The following DUSP16 variants were observed in gnomAD, a reference collection of about 807,000 sequenced individuals.
The protein encoded by DUSP16 is dual specificity phosphatase 16, also known as dual specificity protein phosphatase 16.
A neutral mutation model predicts 58.3 loss-of-function variants in DUSP16; 21 were observed. That is an observed-to-expected ratio of 0.36 (90% CI 0.26 to 0.52). The LOEUF is 0.52. Ranked by LOEUF, DUSP16 falls within the 20% of genes least tolerant of loss-of-function variation. The pLI is 0.94. For missense variants in DUSP16, 726 were observed against 819.0 expected (o/e 0.89, Z 1.39); for synonymous variants, 320 against 323.8 (o/e 0.99, Z 0.12).
At chr12:12,517,723 G>T (rs1035099393) in intron 3 of DUSP16, among the ~76,000 whole-genome samples, 2 of 152,206 alleles carry the variant, frequency 1.3e-5, no homozygotes, top group Non-Finnish European at 2.9e-5. Context: ...TTCAGACTCT[G>T]AAGTCACCTC....
rs1312745505 is a variant in DUSP16 at position 12,474,942 on chromosome 12, T to C, written c.*1891A>G. The C allele has an allele frequency of 6.6e-6, 1 of 152,212 alleles. No individual in the cohort carries two copies. The highest frequency in any genetic ancestry group is 1.5e-5 in the Non-Finnish European group (1 of 68,054). The allele number at this position is 152,212 out of a possible 1,614,324, so 9.4% of individuals were successfully genotyped here. ...AAATCGTTGACCAGCACTTTCCCAGTATCATAACAATGCGGCTGACCCTCT... is the reference window on the plus strand; with the variant it reads ...AAATCGTTGACCAGCACTTTCCCAGCATCATAACAATGCGGCTGACCCTCT... On this transcript the variant is annotated 3_prime_UTR_variant, in exon 7 of 7. Transcript: ENST00000298573.
At chr12:12,478,875 A>C (rs1943509454) in intron 6 of DUSP16, among the ~76,000 whole-genome samples, 1 of 152,236 alleles carries the variant, frequency 6.6e-6, no homozygotes, top group Admixed American at 6.5e-5. Flanking sequence ...TGACAGACTA[A>C]CCAAGACAAA....
chr12:12,495,789 T>C (rs1276112945), intron 4 of DUSP16, among the ~76,000 whole-genome samples: 2 of 152,218 alleles, frequency 1.3e-5, no homozygotes, highest in African/African-American at 2.4e-5. Flanking sequence ...GCCCATCCAT[T>C]TGCCTTCAAA....
rs78216354 is a variant in DUSP16 at position 12,488,604 on chromosome 12, G to C, written c.532-1417C>G. On this transcript the variant is annotated intron_variant, in intron 4 of 6. Coordinates refer to ENST00000298573, the MANE Select transcript of DUSP16 (RefSeq NM_030640.3). Reference sequence around the variant, plus strand: ...TTCCAAGCCTGGAATAATTATCTTAGTCTAAGCAATCTTGGTCATTTCTTC... The same window carrying C: ...TTCCAAGCCTGGAATAATTATCTTACTCTAAGCAATCTTGGTCATTTCTTC... 3.6e-3 allele frequency among the ~76,000 whole-genome samples: 546 copies of C among 152,252 alleles called. 5 individuals are homozygous for C. Among genetic ancestry groups the C allele is most frequent in the African/African-American group, 0.012 (508 of 41,534 alleles).
intron 1 of DUSP16, among the ~76,000 whole-genome samples, chr12:12,528,815 A>G (rs1038420706): frequency 4.6e-5 from 7 of 151,700 alleles, no homozygotes; most frequent in African/African-American, 1.7e-4. Flanking sequence ...ATAGACGCCG[A>G]TAAGAACTAG....
intron 4 of DUSP16, among the ~76,000 whole-genome samples, chr12:12,498,905 T>C (rs1943871028): frequency 1.3e-5 from 2 of 152,182 alleles, no homozygotes; most frequent in Non-Finnish European, 2.9e-5. Context: ...ACTGCAAATA[T>C]TTCCTCTCGA....
chr12:12,538,819 T>G (rs1352158557), intron 1 of DUSP16, among the ~76,000 whole-genome samples: 1 of 152,136 alleles, frequency 6.6e-6, no homozygotes, highest in Admixed American at 6.6e-5. Flanking sequence ...GAAAATACAG[T>G]AAGACAGTTA....
At chr12:12,494,188 T>C (rs1235850914) in intron 4 of DUSP16, among the ~76,000 whole-genome samples, 1 of 152,222 alleles carries the variant, frequency 6.6e-6, no homozygotes, top group Non-Finnish European at 1.5e-5. Flanking sequence ...ATTCATTTCA[T>C]AATTTAAAAA....
rs1368493127 is a variant in DUSP16 at position 12,474,016 on chromosome 12, G to C, written c.*2817C>G. 1.3e-5 allele frequency among the ~76,000 whole-genome samples: 2 copies of C among 152,204 alleles called. No homozygotes were observed. Among genetic ancestry groups the C allele is most frequent in the Admixed American group, 6.5e-5 (1 of 15,288 alleles). ...TTAACGTACACAGTAAAGAATGAAG[G>C]CTGGCACTAAACTGTTAGCTAATCA... On this transcript the variant is annotated 3_prime_UTR_variant, in exon 7 of 7. Transcript: ENST00000298573.
chr12:12,474,057 G>A lies in DUSP16; in HGVS notation c.*2776C>T, dbSNP rs1943367563. On this transcript the variant is annotated 3_prime_UTR_variant, in exon 7 of 7. Coordinates refer to ENST00000298573, the MANE Select transcript of DUSP16 (RefSeq NM_030640.3). Reference sequence around the variant, plus strand: ...TAGCTAATCATCCGGTGTTCCATGTGAATGACAGAACACGGAATAAACCTG... The same window carrying A: ...TAGCTAATCATCCGGTGTTCCATGTAAATGACAGAACACGGAATAAACCTG... Among the ~76,000 whole-genome samples the A allele has an allele frequency of 6.6e-6, 1 of 152,202 alleles. No homozygotes were observed. Among genetic ancestry groups the A allele is most frequent in the Admixed American group, 6.5e-5 (1 of 15,288 alleles).
At chr12:12,527,578 T>C (rs1252694516) in intron 1 of DUSP16, among the ~76,000 whole-genome samples, 1 of 152,166 alleles carries the variant, frequency 6.6e-6, no homozygotes, top group Non-Finnish European at 1.5e-5. Flanking sequence ...TCTGCACATG[T>C]ACCCCAGAAC....
chr12:12,524,076 T>C (rs978651074), intron 1 of DUSP16, among the ~76,000 whole-genome samples: 8 of 152,242 alleles, frequency 5.3e-5, no homozygotes, highest in Non-Finnish European at 1.2e-4. Flanking sequence ...CATGCAAAAG[T>C]TGAATTAGAA....
At chr12:12,513,811 G>C (rs929677984) in intron 3 of DUSP16, among the ~76,000 whole-genome samples, 2 of 152,060 alleles carry the variant, frequency 1.3e-5, no homozygotes, top group African/African-American at 4.8e-5. Context: ...CCATATGTCA[G>C]CATAAAATAA....
chr12:12,486,999 G>A (rs1943694570), intron 5 of DUSP16, 29 bp downstream of exon 5: 2 of 1,612,024 alleles, frequency 1.2e-6, no homozygotes, highest in East Asian at 4.5e-5. Context: ...ATCACCCACA[G>A]GACCTGCAAT....
chr12:12,487,197 GAA>G lies in DUSP16; in HGVS notation c.532-12_532-11del, dbSNP rs769071569. On this transcript the variant is annotated splice_polypyrimidine_tract_variant and intron_variant, in intron 4 of 6. Transcript: ENST00000298573. Reference sequence around the variant, plus strand: ...TCTGCTGCATCAGCTCCTATGGAGAGAAAGAGTAGCAGTTAAAGTGACTAATA... The same window carrying G: ...TCTGCTGCATCAGCTCCTATGGAGAGAGAGTAGCAGTTAAAGTGACTAATA... The G allele has an allele frequency of 8.9e-5, 144 of 1,612,550 alleles. No individual in the cohort carries two copies. Among genetic ancestry groups the G allele is most frequent in the Non-Finnish European group, 1.2e-4 (136 of 1,178,884 alleles).
chr12:12,501,767 G>A (rs1199228501), intron 3 of DUSP16, among the ~76,000 whole-genome samples: 2 of 152,128 alleles, frequency 1.3e-5, no homozygotes, highest in African/African-American at 2.4e-5. Context: ...CGAGGCAGGC[G>A]GATTGCCTGA....
At position 12,507,114 on chromosome 12, in the gene DUSP16, C is replaced by G. The variant is rs1944009209; in HGVS notation, c.368-6432G>C. ...TCTACTAAACAATTCCAATTAGTCACTCTTTTCTCTTCCCTCTCACCCATG... is the reference window on the plus strand; with the variant it reads ...TCTACTAAACAATTCCAATTAGTCAGTCTTTTCTCTTCCCTCTCACCCATG... On this transcript the variant is annotated intron_variant, in intron 3 of 6. Coordinates refer to ENST00000298573, the MANE Select transcript of DUSP16 (RefSeq NM_030640.3). Among the ~76,000 whole-genome samples the G allele has an allele frequency of 1.3e-5, 2 of 152,226 alleles. 1 individual carries two copies. The highest frequency in any genetic ancestry group is 4.1e-4 in the South Asian group (2 of 4,832).
Position 12,487,203 on chromosome 12 carries a change from G to C in DUSP16, c.532-16C>G. 6.2e-7 allele frequency: 1 copy of C among 1,612,070 alleles called. No individual in the cohort carries two copies. The highest frequency in any genetic ancestry group is 8.5e-7 in the Non-Finnish European group (1 of 1,178,360). On this transcript the variant is annotated splice_polypyrimidine_tract_variant and intron_variant, in intron 4 of 6. Transcript: ENST00000298573. Reference sequence around the variant, plus strand: ...GCATCAGCTCCTATGGAGAGAAAGAGTAGCAGTTAAAGTGACTAATAATAT... The same window carrying C: ...GCATCAGCTCCTATGGAGAGAAAGACTAGCAGTTAAAGTGACTAATAATAT...
chr12:12,503,000 A>C (rs533533532), intron 3 of DUSP16, among the ~76,000 whole-genome samples: 5 of 152,288 alleles, frequency 3.3e-5, no homozygotes, highest in African/African-American at 1.2e-4. Context: ...AGAGGAAGTA[A>C]GAACACAAGC....
Sources: allele counts gnomAD v4.1 joint callset (sites outside exome capture counted in the v4.1 genomes callset), GRCh38; gene constraint gnomAD v4.1.1; transcripts MANE v1.5; gene names NCBI Gene and HGNC (gene_info 2026-07-23, HGNC 2026-07-21).